The following KLHL36 variants were observed in gnomAD, a reference collection of about 807,000 sequenced individuals.
The protein encoded by KLHL36 is kelch-like protein 36.
Under a neutral mutation model 53.3 loss-of-function variants are expected in KLHL36, and 35 were observed. The ratio of observed to expected loss-of-function variants is 0.66; its 90% CI spans 0.50 to 0.87. The LOEUF is 0.87. Ranked by LOEUF, KLHL36 falls within the 40% of genes least tolerant of loss-of-function variation. The probability of loss-of-function intolerance (pLI) is 0.00; values close to 1 mark genes in which losing one functional copy is unlikely to be tolerated. For synonymous variants in KLHL36, 472 were observed against 398.9 expected (o/e 1.18, Z -2.18); for missense variants, 864 against 897.6 (o/e 0.96, Z 0.48).
Position 84,656,692 on chromosome 16 carries a change from A to AC in KLHL36, c.64-179_64-178insC, listed in dbSNP as rs202205949. 1.8e-4 allele frequency among the ~76,000 whole-genome samples: 27 copies of AC among 151,762 alleles called. No homozygotes were observed. The East Asian group carries it at 4.5e-3, about 25-fold the overall frequency. ...ATATTAATAAGAGAAGGAAAAAAAA[A>AC]ACCACGATACACAGGCATACTCAGA... On this transcript the variant is annotated intron_variant, in intron 2 of 4. Coordinates refer to ENST00000564996, the MANE Select transcript of KLHL36 (RefSeq NM_024731.4).
Position 84,661,842 on chromosome 16 carries a change from C to T in KLHL36, c.1560C>T (p.Ser520=), listed in dbSNP as rs759892815. 2 of 1,604,890 alleles carry T rather than the reference C, an allele frequency of 1.2e-6. No individual in the cohort carries two copies. Among genetic ancestry groups the T allele is most frequent in the Non-Finnish European group, 1.7e-6 (2 of 1,173,102 alleles). The part of the protein sequence containing the change: ...RFDVLGVEAY[S]PQCNQWTRVA... ...ACGTGCTGGGCGTGGAGGCCTACAG[C>T]CCGCAGTGCAACCAGTGGACCCGCG... The change falls in exon 5 of 5, where the codon AGC becomes AGT. Residue 520 remains serine, a synonymous_variant. Transcript: ENST00000564996. The surrounding 1 kb of genome is among the most constrained non-coding windows in gnomAD (Gnocchi z 7.9).
At position 84,659,993 on chromosome 16, in the gene KLHL36, T is replaced by G. The variant is rs552420949; in HGVS notation, c.1295+76T>G. ...CATAGTTCAGTCCACGTGCCTCACT[T>G]TCTGGGCATGTTGGCCTCCAATTCC... On this transcript the variant is annotated intron_variant, in intron 4 of 4. Coordinates refer to ENST00000564996, the MANE Select transcript of KLHL36 (RefSeq NM_024731.4). The G allele has an allele frequency of 2.4e-5, 33 of 1,386,198 alleles. No individual in the cohort carries two copies. In the African/African-American group the frequency reaches 4.5e-4, roughly 19 times the overall value. 85.9% of individuals were successfully genotyped at this position (1,386,198 alleles called of 1,614,324 possible). A position where few individuals can be genotyped will look rare whatever the true frequency, so the allele number is the denominator to read the frequency against.
rs17755862 is a variant in KLHL36 at position 84,662,446 on chromosome 16, A to G, written c.*313A>G. ...CCCTGAGAGTAGCTGGCACGTGGGT[A>G]ACACAGAAATTTCTGTAGTGAAGCT... is the stretch of plus-strand genomic sequence containing the variant. On this transcript the variant is annotated 3_prime_UTR_variant, in exon 5 of 5. Transcript: ENST00000564996. 1 of 228,404 alleles carries G rather than the reference A, an allele frequency of 4.4e-6. No homozygotes were observed. Among genetic ancestry groups the G allele is most frequent in the Non-Finnish European group, 8.6e-6 (1 of 115,676 alleles). 14.1% of individuals were successfully genotyped at this position (228,404 alleles called of 1,614,324 possible).
At chr16:84,655,604 T>C (rs1332008612) in intron 2 of KLHL36, among the ~76,000 whole-genome samples, 1 of 150,068 alleles carries the variant, frequency 6.7e-6, no homozygotes, top group Non-Finnish European at 1.5e-5. Flanking sequence ...CTCAGGAGGC[T>C]GAGGTGGGAG....
rs79731507 is a variant in KLHL36 at position 84,658,268 on chromosome 16, A to G, written c.1137+324A>G. 2.2e-3 allele frequency: 554 copies of G among 248,552 alleles called. 2 individuals are homozygous for G. The highest frequency in any genetic ancestry group is 0.012 in the African/African-American group (525 of 45,012). The allele number at this position is 248,552 out of a possible 1,614,324, so 15.4% of individuals were successfully genotyped here. A position where few individuals can be genotyped will look rare whatever the true frequency, so the allele number is the denominator to read the frequency against. ...GCGACTGAGCACTTGAAATGTGGCC[A>G]GTGCGACTGAAGAAGTCAATTTTCA... On this transcript the variant is annotated intron_variant, in intron 3 of 4. Coordinates refer to ENST00000564996, the MANE Select transcript of KLHL36 (RefSeq NM_024731.4).
At chr16:84,659,971 A>G (rs1048640201) in intron 4 of KLHL36, 54 bp downstream of exon 4, 7 of 1,528,624 alleles carry the variant, frequency 4.6e-6, no homozygotes, top group South Asian at 1.2e-5. Flanking sequence ...TAAGGGACAT[A>G]GTTCAGTCCA....
rs1199365301 is a variant in KLHL36, at chr16:84,662,894, A to G, written c.*761A>G. On this transcript the variant is annotated 3_prime_UTR_variant, in exon 5 of 5. Coordinates refer to ENST00000564996, the MANE Select transcript of KLHL36 (RefSeq NM_024731.4). Reference sequence around the variant, plus strand: ...ATTCTAAAACGTTACAGGTAACCAAAAACGAAAAAAGGTATGAAGCTCTTT... The same window carrying G: ...ATTCTAAAACGTTACAGGTAACCAAGAACGAAAAAAGGTATGAAGCTCTTT... 6.6e-6 allele frequency: 1 copy of G among 152,252 alleles called. No individual in the cohort carries two copies. Among genetic ancestry groups the G allele is most frequent in the African/African-American group, 2.4e-5 (1 of 41,468 alleles). The allele number at this position is 152,252 out of a possible 1,614,324, so 9.4% of individuals were successfully genotyped here. A position where few individuals can be genotyped will look rare whatever the true frequency, so the allele number is the denominator to read the frequency against.
chr16:84,656,497 A>G (rs1907205012), intron 2 of KLHL36, among the ~76,000 whole-genome samples: 4 of 150,522 alleles, frequency 2.7e-5, no homozygotes, highest in African/African-American at 9.8e-5. Context: ...CTCAAACTCC[A>G]GTAGCCGGGC....
At chr16:84,650,115 G>GTTCCCA (rs1906762857) in intron 1 of KLHL36, among the ~76,000 whole-genome samples, 1 of 152,046 alleles carries the variant, frequency 6.6e-6, no homozygotes, top group African/African-American at 2.4e-5. Flanking sequence ...TGTGACGCCG[G>GTTCCCA]GCAGCTTATT....
In KLHL36 at chr16:84,662,293, A is replaced by G. The variant is rs1210840350; in HGVS notation, c.*160A>G. On this transcript the variant is annotated 3_prime_UTR_variant, in exon 5 of 5. Coordinates refer to ENST00000564996, the MANE Select transcript of KLHL36 (RefSeq NM_024731.4). ...CTATGATATCACAGTAACCAATTAA[A>G]TACTATCTGTAACTTTACATATCTT... The G allele has an allele frequency of 5.9e-6, 4 of 680,462 alleles. No homozygotes were observed. Among genetic ancestry groups the G allele is most frequent in the African/African-American group, 1.8e-5 (1 of 55,498 alleles). 42.2% of individuals were successfully genotyped at this position (680,462 alleles called of 1,614,324 possible).
intron 4 of KLHL36, among the ~76,000 whole-genome samples, chr16:84,660,880 A>G (rs898801351): frequency 2.0e-5 from 3 of 152,086 alleles, no homozygotes; most frequent in Non-Finnish European, 4.4e-5. Flanking sequence ...CCTCACCCTC[A>G]CAAAGTGCTG....
At chr16:84,650,595 G>A (rs920021835) in intron 1 of KLHL36, among the ~76,000 whole-genome samples, 2 of 152,134 alleles carry the variant, frequency 1.3e-5, no homozygotes, top group African/African-American at 2.4e-5. Flanking sequence ...GTAATTATTT[G>A]TAGGAAGTGA....
In KLHL36 at chr16:84,648,649, G is replaced by A. The variant is rs1284542587; in HGVS notation, c.-17G>A. On this transcript the variant is annotated splice_region_variant and 5_prime_UTR_variant, in exon 1 of 5. Transcript: ENST00000564996. This position sits in a 1 kb window ranked among gnomAD's most constrained non-coding sequence, Gnocchi z 4.9. The stretch of plus-strand genomic sequence containing the variant: ...GCCGCGTCCGTAGCGCGTCCTGCCA[G>A]GTGGGCCTCCGCGCGCGCCCACCCT... 2 of 148,026 alleles carry A rather than the reference G, an allele frequency of 1.4e-5. No individual in the cohort carries two copies. Among genetic ancestry groups the A allele is most frequent in the Non-Finnish European group, 3.0e-5 (2 of 66,098 alleles). 9.2% of individuals were successfully genotyped at this position (148,026 alleles called of 1,614,324 possible). A position where few individuals can be genotyped will look rare whatever the true frequency, so the allele number is the denominator to read the frequency against.
intron 4 of KLHL36, among the ~76,000 whole-genome samples, chr16:84,660,847 C>T (rs531084948): frequency 1.3e-5 from 2 of 152,282 alleles, no homozygotes; most frequent in South Asian, 4.1e-4. Context: ...GTCTTGAACT[C>T]CTAGCCTCAA....
At chr16:84,659,639 C>A (rs1164007741) in intron 3 of KLHL36, 121 bp from the exon 4 acceptor site, 2 of 1,046,296 alleles carry the variant, frequency 1.9e-6, no homozygotes, top group Non-Finnish European at 2.8e-6. Flanking sequence ...AGGTGCAGTT[C>A]CCTTTCCCAA....
At chr16:84,652,702 C>T (rs1906969459) in intron 2 of KLHL36, among the ~76,000 whole-genome samples, 2 of 152,216 alleles carry the variant, frequency 1.3e-5, no homozygotes, top group Non-Finnish European at 1.5e-5. Context: ...TCAAGATAGT[C>T]GCTGTCCCAA....
rs1453718224 is a variant in KLHL36 at position 84,665,179 on chromosome 16, C to T, written c.*3046C>T. 6.6e-6 allele frequency: 1 copy of T among 151,946 alleles called. No individual in the cohort carries two copies. The highest frequency in any genetic ancestry group is 2.4e-5 in the African/African-American group (1 of 41,366). 9.4% of individuals were successfully genotyped at this position (151,946 alleles called of 1,614,324 possible). ...GCTGCCATTTTGAGAGGGAAACAGC[C>T]ACACATGTCATCATGTTAAACTTTC... On this transcript the variant is annotated 3_prime_UTR_variant, in exon 5 of 5. Coordinates refer to ENST00000564996, the MANE Select transcript of KLHL36 (RefSeq NM_024731.4).
rs1354924246 is a variant in KLHL36, at chr16:84,661,974, C to T, written c.1692C>T (p.Thr564=). The T allele has an allele frequency of 1.0e-5, 16 of 1,598,956 alleles. No individual in the cohort carries two copies. Among genetic ancestry groups the T allele is most frequent in the African/African-American group, 4.0e-5 (3 of 74,856 alleles). The part of the protein sequence containing the change: ...YSWENTAFSK[T]VQVYDREADK... ...GGGAGAACACTGCCTTCTCCAAGACCGTGCAGGTGTACGACCGCGAGGCCG... is the reference window on the plus strand; with the variant it reads ...GGGAGAACACTGCCTTCTCCAAGACTGTGCAGGTGTACGACCGCGAGGCCG... The change falls in exon 5 of 5, where the codon ACC becomes ACT. Residue 564 remains threonine, a synonymous_variant. Transcript: ENST00000564996. The surrounding 1 kb of genome is among the most constrained non-coding windows in gnomAD (Gnocchi z 7.9).
chr16:84,650,961 A>G lies in KLHL36; in HGVS notation c.63+31A>G. The G allele has an allele frequency of 2.6e-6, 4 of 1,556,624 alleles. No homozygotes were observed. In the South Asian group the frequency reaches 4.7e-5, roughly 18 times the overall value. On this transcript the variant is annotated intron_variant, in intron 2 of 4. Transcript: ENST00000564996. ...TGAATGTTCACTCACCACCTATGCA[A>G]ATTGCCTAAGAAGTGTGATCCTTTT...
Sources: gnomAD v4.1 joint callset for allele counts (sites outside exome capture counted in the v4.1 genomes callset) on GRCh38, gnomAD v4.1.1 for gene constraint, Gnocchi (gnomAD v3.1) non-coding constraint, MANE v1.5 for transcripts, NCBI Gene and HGNC (gene_info 2026-07-23, HGNC 2026-07-21) for gene names.